LRP1B: variants seen among roughly 807,000 people sequenced by gnomAD.
The protein encoded by LRP1B is LDL receptor related protein 1B.
Under a neutral mutation model 556.6 loss-of-function variants are expected in LRP1B, and 217 were observed. The observed-to-expected ratio is 0.39, with a 90% confidence interval of 0.35 to 0.44. The LOEUF (loss-of-function observed/expected upper bound fraction) is 0.44. LRP1B is among the 20% of genes least tolerant of loss of function. LRP1B has a pLI of 1.00. For synonymous variants in LRP1B, 2,047 were observed against 1,865.8 expected, an observed-to-expected ratio of 1.10 and a Z score of -2.50; for missense variants, 5,053 against 5,620.8, an observed-to-expected ratio of 0.90 and a Z score of 3.23.
chr2:140,735,273 G>T (rs1687908745), intron 35 of LRP1B, among the ~76,000 whole-genome samples: 1 of 152,148 alleles, frequency 6.6e-6, no homozygotes, highest in Admixed American at 6.6e-5. Flanking sequence ...AAAAGAAAAA[G>T]GAAACAATGC....
At position 140,529,437 on chromosome 2, in the gene LRP1B, G is replaced by C. The variant is rs536248330; in HGVS notation, c.7763-3087C>G. Among the ~76,000 whole-genome samples, 581 of 109,424 alleles carry C rather than the reference G, an allele frequency of 5.3e-3. 6 individuals are homozygous for C. The highest frequency in any genetic ancestry group is 8.2e-3 in the Non-Finnish European group (460 of 56,188). 71.8% of individuals were successfully genotyped at this position (109,424 alleles called of 152,430 possible). A position where few individuals can be genotyped will look rare whatever the true frequency, so the allele number is the denominator to read the frequency against. Reference sequence around the variant, plus strand: ...GTAGCAAAGGGAAGCTGAAAAGGGGGGGGGGAAGCATTAAGTTTGCTCTCA... The same window carrying C: ...GTAGCAAAGGGAAGCTGAAAAGGGGCGGGGGAAGCATTAAGTTTGCTCTCA... On this transcript the variant is annotated intron_variant, in intron 47 of 90. Transcript: ENST00000389484.
At chr2:141,174,462 T>C (rs1445419136) in intron 7 of LRP1B, among the ~76,000 whole-genome samples, 1 of 152,068 alleles carries the variant, frequency 6.6e-6, no homozygotes, top group Non-Finnish European at 1.5e-5. Context: ...TTCTCCTTTG[T>C]TATTCTCATG....
intron 2 of LRP1B, among the ~76,000 whole-genome samples, chr2:141,695,978 A>T (rs1238404825): frequency 1.3e-5 from 2 of 151,946 alleles, no homozygotes; most frequent in African/African-American, 4.8e-5. Context: ...AACTACCTGT[A>T]TTTCTACCTT....
chr2:140,615,264 G>A (rs1683216460), intron 41 of LRP1B, among the ~76,000 whole-genome samples: 1 of 152,052 alleles, frequency 6.6e-6, no homozygotes, highest in South Asian at 2.1e-4. Flanking sequence ...AACTGACTCA[G>A]TGTAAAAAGA....
chr2:141,359,328 G>A (rs1266434431), intron 3 of LRP1B, among the ~76,000 whole-genome samples: 3 of 148,266 alleles, frequency 2.0e-5, no homozygotes, highest in Non-Finnish European at 1.5e-5. Flanking sequence ...AATACACACT[G>A]GAAGTTTTAT....
chr2:141,199,831 A>T (rs987072215), intron 6 of LRP1B, among the ~76,000 whole-genome samples: 4 of 152,214 alleles, frequency 2.6e-5, no homozygotes, highest in Non-Finnish European at 5.9e-5. Flanking sequence ...AGAGCTCAAC[A>T]TCACTGACCA....
chr2:140,492,859 G>A (rs766611072), intron 56 of LRP1B, among the ~76,000 whole-genome samples, 166 bp from the exon 57 acceptor site: 1 of 152,266 alleles, frequency 6.6e-6, no homozygotes, highest in Non-Finnish European at 1.5e-5. Context: ...GCAGTAGAAT[G>A]AAGAGGCAGC....
At chr2:141,022,062 T>C (rs1698079385) in intron 11 of LRP1B, among the ~76,000 whole-genome samples, 1 of 151,794 alleles carries the variant, frequency 6.6e-6, no homozygotes, top group Non-Finnish European at 1.5e-5. Flanking sequence ...TTTCTTGCAT[T>C]TTTACCAGTG....
At chr2:141,581,779 A>G (rs1456413588) in intron 2 of LRP1B, among the ~76,000 whole-genome samples, 3 of 152,178 alleles carry the variant, frequency 2.0e-5, no homozygotes, top group Non-Finnish European at 2.9e-5. Flanking sequence ...TTTGTCATTC[A>G]TTACATTCCA....
intron 2 of LRP1B, among the ~76,000 whole-genome samples, chr2:141,553,820 G>GATATAGGTATATAATATATCTATATTA (rs1317287466): frequency 7.5e-6 from 1 of 132,550 alleles, no homozygotes. Flanking sequence ...TATATTAATA[G>GATATAGGTATATAATATATCTATATTA]ATATAGGTAT....
At chr2:140,289,054 A>T (rs538820533) in intron 84 of LRP1B, among the ~76,000 whole-genome samples, 1 of 152,092 alleles carries the variant, frequency 6.6e-6, no homozygotes, top group South Asian at 2.1e-4. Flanking sequence ...GATGCCAACA[A>T]GAGTAATTAA....
rs200786580 is a variant in LRP1B, at chr2:140,782,058, G to T, written c.5360-5820C>A. Among the ~76,000 whole-genome samples, 25 of 52,710 alleles carry T rather than the reference G, an allele frequency of 4.7e-4. No individual in the cohort carries two copies. The South Asian group carries it at 0.017, about 35-fold the overall frequency. 34.6% of individuals were successfully genotyped at this position (52,710 alleles called of 152,430 possible). A position where few individuals can be genotyped will look rare whatever the true frequency, so the allele number is the denominator to read the frequency against. On this transcript the variant is annotated intron_variant, in intron 32 of 90. Transcript: ENST00000389484. The stretch of plus-strand genomic sequence containing the variant: ...CATATTTGTTCATCTCACATTTTTT[G>T]TTGTTGTTGTTTCACACTGTTATTG...
chr2:140,459,445 G>A (rs80179320), intron 60 of LRP1B, among the ~76,000 whole-genome samples: 2,321 of 151,972 alleles, frequency 0.015, 61 homozygotes, highest in African/African-American at 0.051. Context: ...ATTAAATATG[G>A]GCTCAAAAAG....
At position 140,769,025 on chromosome 2, in the gene LRP1B, T is replaced by G. The variant is rs995902050; in HGVS notation, c.5758+188A>C. Reference sequence around the variant, plus strand: ...CAAATGCTATACTTTAGGACGATTTTACTTGATTTTTTTTTCAGACACTAC... The same window carrying G: ...CAAATGCTATACTTTAGGACGATTTGACTTGATTTTTTTTTCAGACACTAC... On this transcript the variant is annotated intron_variant, in intron 35 of 90. Transcript: ENST00000389484. 3.4e-4 allele frequency among the ~76,000 whole-genome samples: 22 copies of G among 65,310 alleles called. 1 individual carries two copies. In the East Asian group the frequency reaches 3.9e-3, roughly 12 times the overall value. The allele number at this position is 65,310 out of a possible 152,430, so 42.8% of individuals were successfully genotyped here. A position where few individuals can be genotyped will look rare whatever the true frequency, so the allele number is the denominator to read the frequency against.
intron 1 of LRP1B, among the ~76,000 whole-genome samples, chr2:141,899,761 A>T (rs980185846): frequency 6.6e-6 from 1 of 152,144 alleles, no homozygotes; most frequent in Non-Finnish European, 1.5e-5. Flanking sequence ...AATAAATGAA[A>T]AATAATATCA....
intron 3 of LRP1B, among the ~76,000 whole-genome samples, chr2:141,438,076 G>A (rs1411584635): frequency 6.6e-6 from 1 of 152,104 alleles, no homozygotes. Flanking sequence ...CCCACTGCAT[G>A]TAGATATTTC....
chr2:141,151,570 T>A (rs1333406651), intron 7 of LRP1B, among the ~76,000 whole-genome samples: 1 of 152,200 alleles, frequency 6.6e-6, no homozygotes, highest in Non-Finnish European at 1.5e-5. Context: ...TTTTCTTTAC[T>A]TTTTTGGAGC....
intron 2 of LRP1B, among the ~76,000 whole-genome samples, chr2:141,585,506 G>A (rs1366045310): frequency 6.7e-6 from 1 of 148,292 alleles, no homozygotes; most frequent in Non-Finnish European, 1.5e-5. Context: ...CACTTTATTT[G>A]GAGAATAGGT....
At chr2:140,918,894 C>A (rs1224429554) in intron 21 of LRP1B, among the ~76,000 whole-genome samples, 2 of 151,896 alleles carry the variant, frequency 1.3e-5, no homozygotes, top group African/African-American at 4.8e-5. Context: ...GTTTAAACAA[C>A]CCAGTTTATG....
Sources: gnomAD v4.1 joint callset for allele counts (sites outside exome capture counted in the v4.1 genomes callset) on GRCh38, gnomAD v4.1.1 for gene constraint, MANE v1.5 for transcripts, NCBI Gene and HGNC (gene_info 2026-07-23, HGNC 2026-07-21) for gene names.